The following TAFA1 variants were observed in gnomAD, a reference collection of about 807,000 sequenced individuals.
TAFA1 encodes the protein TAFA chemokine like family member 1.
A neutral mutation model predicts 18.5 loss-of-function variants in TAFA1; 4 were observed. The observed-to-expected ratio is 0.22, with a 90% confidence interval of 0.11 to 0.49. The LOEUF is 0.49. TAFA1 is among the 20% of genes least tolerant of loss of function. The pLI, the probability that TAFA1 is intolerant of heterozygous loss-of-function variation, is 0.98. For synonymous variants in TAFA1, 56 were observed against 55.2 expected, an observed-to-expected ratio of 1.01 and a Z score of -0.06; for missense variants, 147 against 169.0, an observed-to-expected ratio of 0.87 and a Z score of 0.72.
At chr3:68,064,170 TG>T (rs1237812020) in intron 2 of TAFA1, among the ~76,000 whole-genome samples, 1 of 151,858 alleles carries the variant, frequency 6.6e-6, no homozygotes, top group Non-Finnish European at 1.5e-5. Context: ...GGTAAAAACG[TG>T]ATGAGGTGGG....
Position 68,004,645 on chromosome 3 carries a change from T to C in TAFA1, c.-61T>C, listed in dbSNP as rs2106764323. The stretch of plus-strand genomic sequence containing the variant: ...TGTGGCACAGATGGATTTTAAAAAG[T>C]GTTAGATCTTTCCAATGAACACTAA... On this transcript the variant is annotated 5_prime_UTR_variant, in exon 1 of 5. Transcript: ENST00000478136. The C allele has an allele frequency of 6.6e-6, 1 of 152,060 alleles. No individual in the cohort carries two copies. Among genetic ancestry groups the C allele is most frequent in the Non-Finnish European group, 1.5e-5 (1 of 68,018 alleles). The allele number at this position is 152,060 out of a possible 1,614,324, so 9.4% of individuals were successfully genotyped here. A position where few individuals can be genotyped will look rare whatever the true frequency, so the allele number is the denominator to read the frequency against.
chr3:68,331,538 G>A (rs186414172), intron 2 of TAFA1, among the ~76,000 whole-genome samples: 22 of 152,266 alleles, frequency 1.4e-4, no homozygotes, highest in Admixed American at 1.1e-3. Context: ...TGGTTACTAG[G>A]ACTCTACCAT....
chr3:68,269,329 G>A (rs1474595918), intron 2 of TAFA1, among the ~76,000 whole-genome samples: 1 of 151,880 alleles, frequency 6.6e-6, no homozygotes, highest in African/African-American at 2.4e-5. Flanking sequence ...AGTGGCACAT[G>A]CCTGTGATCC....
At chr3:68,267,240 A>G (rs1303818302) in intron 2 of TAFA1, among the ~76,000 whole-genome samples, 2 of 152,192 alleles carry the variant, frequency 1.3e-5, no homozygotes, top group Admixed American at 6.5e-5. Context: ...CCCCCAAAAT[A>G]CAATCATTAT....
intron 2 of TAFA1, among the ~76,000 whole-genome samples, chr3:68,391,212 C>G (rs2070235230): frequency 6.6e-6 from 1 of 151,994 alleles, no homozygotes; most frequent in Admixed American, 6.6e-5. Context: ...CTTTGTGAAG[C>G]ATATACAAGT....
At chr3:68,289,557 T>G (rs2068073911) in intron 2 of TAFA1, among the ~76,000 whole-genome samples, 1 of 115,182 alleles carries the variant, frequency 8.7e-6, no homozygotes, top group Non-Finnish European at 1.8e-5. Flanking sequence ...ATAAAGACCT[T>G]CTTCTCTGCT....
chr3:68,370,470 GTGTATATATATATATATA>G (rs1446710402), intron 2 of TAFA1, among the ~76,000 whole-genome samples: 493 of 31,160 alleles, frequency 0.016, 21 homozygotes, highest in Middle Eastern at 0.087. Flanking sequence ...GTGTGTGTGT[GTGTATATATATATATATA>G]TATATATATA....
intron 2 of TAFA1, among the ~76,000 whole-genome samples, chr3:68,147,738 C>CT (rs759478188): frequency 3.3e-5 from 5 of 152,098 alleles, no homozygotes; most frequent in Non-Finnish European, 7.4e-5. Context: ...ATCTCTGGCT[C>CT]TTTCTTCCGC....
intron 3 of TAFA1, among the ~76,000 whole-genome samples, chr3:68,483,118 C>T (rs1261087982): frequency 6.6e-6 from 1 of 152,184 alleles, no homozygotes; most frequent in Non-Finnish European, 1.5e-5. Flanking sequence ...ATCCAGGCCT[C>T]AGCAAGTAGT....
intron 2 of TAFA1, among the ~76,000 whole-genome samples, chr3:68,098,801 A>C (rs2065116093): frequency 6.6e-6 from 1 of 152,170 alleles, no homozygotes; most frequent in African/African-American, 2.4e-5. Context: ...GGGTACAAAA[A>C]CAGATGTATA....
At chr3:68,517,016 C>G (rs187779965) in intron 3 of TAFA1, among the ~76,000 whole-genome samples, 1 of 152,106 alleles carries the variant, frequency 6.6e-6, no homozygotes, top group Non-Finnish European at 1.5e-5. Context: ...TCAAGTGATC[C>G]GCCCACCTCG....
At chr3:68,305,409 C>CCATATA (rs2068390158) in intron 2 of TAFA1, among the ~76,000 whole-genome samples, 1 of 38,202 alleles carries the variant, frequency 2.6e-5, no homozygotes, top group African/African-American at 1.2e-4. Context: ...GACTATATGA[C>CCATATA]TATATATATA....
intron 2 of TAFA1, among the ~76,000 whole-genome samples, chr3:68,192,886 G>C (rs559037048): frequency 9.0e-4 from 137 of 151,824 alleles, no homozygotes; most frequent in Non-Finnish European, 1.5e-3. Flanking sequence ...AATGGAAGAG[G>C]CTATAATATA....
intron 2 of TAFA1, among the ~76,000 whole-genome samples, chr3:68,226,166 A>C (rs2066797565): frequency 1.3e-5 from 2 of 152,180 alleles, no homozygotes; most frequent in Non-Finnish European, 2.9e-5. Context: ...TGTTCCTTAG[A>C]GCTTGATCAG....
At chr3:68,195,405 T>A (rs1575672977) in intron 2 of TAFA1, among the ~76,000 whole-genome samples, 1 of 148,544 alleles carries the variant, frequency 6.7e-6, no homozygotes, top group East Asian at 2.0e-4. Context: ...TTCTTGTATA[T>A]AGGTGCTTAT....
chr3:68,391,304 A>G (rs775496040), intron 2 of TAFA1, among the ~76,000 whole-genome samples: 37 of 152,290 alleles, frequency 2.4e-4, no homozygotes, highest in Non-Finnish European at 4.0e-4. Context: ...TGAAGACAAG[A>G]TTAGAGAAAA....
chr3:68,091,649 C>T (rs944531565), intron 2 of TAFA1, among the ~76,000 whole-genome samples: 2 of 152,136 alleles, frequency 1.3e-5, no homozygotes, highest in African/African-American at 4.8e-5. Context: ...TGATAAACCA[C>T]TACAAATGAA....
chr3:68,397,030 GA>G (rs2070394470), intron 2 of TAFA1, among the ~76,000 whole-genome samples: 1 of 152,058 alleles, frequency 6.6e-6, no homozygotes, highest in Admixed American at 6.5e-5. Context: ...TTGTTTGGAG[GA>G]AAAATCTTAG....
rs1301754061 is a variant in TAFA1, at chr3:68,134,069, A to G, written c.118+127325A>G. Among the ~76,000 whole-genome samples the G allele has an allele frequency of 8.1e-5, 7 of 86,190 alleles. No individual in the cohort carries two copies. In the East Asian group the frequency reaches 1.6e-3, roughly 19 times the overall value. The allele number at this position is 86,190 out of a possible 152,430, so 56.5% of individuals were successfully genotyped here. ...AATGACAAGTGTGATGACAACTGGA[A>G]AAAAAAAAAAAAAACAATGAGAAAA... On this transcript the variant is annotated intron_variant, in intron 2 of 4. Coordinates refer to ENST00000478136, the MANE Select transcript of TAFA1 (RefSeq NM_213609.4).
Sources: allele counts gnomAD v4.1 joint callset (sites outside exome capture counted in the v4.1 genomes callset), GRCh38; gene constraint gnomAD v4.1.1; transcripts MANE v1.5; gene names NCBI Gene and HGNC (gene_info 2026-07-23, HGNC 2026-07-21).